The following EPHA5 variants were observed in gnomAD, a reference collection of about 807,000 sequenced individuals.
EPHA5 encodes EPH receptor A5, also known as ephrin type-A receptor 5.
A neutral mutation model predicts 105.0 loss-of-function variants in EPHA5; 60 were observed. The ratio of observed to expected loss-of-function variants is 0.57; its 90% CI spans 0.46 to 0.71. The LOEUF (loss-of-function observed/expected upper bound fraction) is 0.71. EPHA5 is among the 30% of genes least tolerant of loss of function. EPHA5 has a pLI of 0.00. For synonymous variants in EPHA5, 513 were observed against 449.1 expected, an observed-to-expected ratio of 1.14 and a Z score of -1.80; for missense variants, 1,218 against 1,274.7, an observed-to-expected ratio of 0.96 and a Z score of 0.68.
At chr4:65,442,197 G>A (rs977829751) in intron 5 of EPHA5, among the ~76,000 whole-genome samples, 3 of 152,050 alleles carry the variant, frequency 2.0e-5, no homozygotes, top group Admixed American at 1.3e-4. Context: ...AATTTAAAAC[G>A]GGGCCTATGG....
At chr4:65,327,108 C>T (rs1720156185) in intron 16 of EPHA5, among the ~76,000 whole-genome samples, 1 of 150,890 alleles carries the variant, frequency 6.6e-6, no homozygotes, top group Non-Finnish European at 1.5e-5. Context: ...GACTCTAGCT[C>T]CCTCAATGTT....
intron 10 of EPHA5, 23 bp from the exon 11 acceptor site, chr4:65,365,225 T>C (rs1190911453): frequency 2.5e-6 from 4 of 1,602,056 alleles, no homozygotes; most frequent in South Asian, 2.2e-5. Context: ...ATGAAAAAAA[T>C]GCAAAAACTC....
intron 8 of EPHA5, among the ~76,000 whole-genome samples, chr4:65,400,038 T>C (rs1295320305): frequency 2.6e-5 from 4 of 152,176 alleles, no homozygotes; most frequent in Admixed American, 2.0e-4. Flanking sequence ...GTCAATTTTA[T>C]ATCAATAATC....
At chr4:65,631,348 G>A (rs2149491743) in intron 2 of EPHA5, among the ~76,000 whole-genome samples, 1 of 152,156 alleles carries the variant, frequency 6.6e-6, no homozygotes, top group East Asian at 1.9e-4. Context: ...GTGACTTTTG[G>A]TAAAACCATT....
intron 14 of EPHA5, among the ~76,000 whole-genome samples, chr4:65,343,680 T>C (rs990560351): frequency 3.3e-5 from 5 of 152,150 alleles, no homozygotes; most frequent in Non-Finnish European, 5.9e-5. Flanking sequence ...CATAGGAAAT[T>C]TAATGCTGTA....
At chr4:65,580,865 G>T (rs777878923) in intron 3 of EPHA5, among the ~76,000 whole-genome samples, 7 of 150,672 alleles carry the variant, frequency 4.6e-5, no homozygotes, top group Admixed American at 1.3e-4. Context: ...ATGTGTTAAA[G>T]ACATATTTAA....
At chr4:65,394,814 A>T (rs929891383) in intron 8 of EPHA5, among the ~76,000 whole-genome samples, 2 of 152,088 alleles carry the variant, frequency 1.3e-5, no homozygotes, top group African/African-American at 4.8e-5. Flanking sequence ...GCCTAGTAGG[A>T]AATGCTATGT....
At chr4:65,557,635 T>G (rs1738588852) in intron 3 of EPHA5, among the ~76,000 whole-genome samples, 1 of 151,690 alleles carries the variant, frequency 6.6e-6, no homozygotes, top group African/African-American at 2.4e-5. Flanking sequence ...CCTGGGAAAT[T>G]TGTAAAAAGT....
chr4:65,549,603 G>A (rs921058481), intron 3 of EPHA5, among the ~76,000 whole-genome samples: 4 of 151,894 alleles, frequency 2.6e-5, no homozygotes, highest in Admixed American at 6.6e-5. Flanking sequence ...AATATGAAAG[G>A]GATGCATGCT....
intron 5 of EPHA5, among the ~76,000 whole-genome samples, chr4:65,470,220 T>A (rs1486790146): frequency 6.7e-6 from 1 of 149,900 alleles, no homozygotes; most frequent in African/African-American, 2.5e-5. Context: ...TGAGACAGAG[T>A]CTCGCTCTGT....
intron 3 of EPHA5, among the ~76,000 whole-genome samples, chr4:65,576,724 T>C (rs931928387): frequency 6.6e-6 from 1 of 152,188 alleles, no homozygotes; most frequent in Non-Finnish European, 1.5e-5. Flanking sequence ...TATCACAGAC[T>C]TTGTCATATT....
intron 13 of EPHA5, among the ~76,000 whole-genome samples, chr4:65,349,611 A>C (rs1722628937): frequency 6.6e-6 from 1 of 152,154 alleles, no homozygotes; most frequent in Non-Finnish European, 1.5e-5. Context: ...CTGTTTATGA[A>C]CCAAAGTTTC....
chr4:65,365,903 A>G (rs1280411983), intron 10 of EPHA5, 29 bp downstream of exon 10: 1 of 1,587,938 alleles, frequency 6.3e-7, no homozygotes, highest in Non-Finnish European at 8.6e-7. Context: ...AACAAAAGTT[A>G]AAAATGAAAG....
intron 5 of EPHA5, among the ~76,000 whole-genome samples, chr4:65,477,523 CT>C (rs1189819275): frequency 6.6e-6 from 1 of 151,952 alleles, no homozygotes; most frequent in African/African-American, 2.4e-5. Context: ...AGTGATTCTC[CT>C]GCCTCAGGCT....
intron 8 of EPHA5, among the ~76,000 whole-genome samples, chr4:65,390,431 C>G (rs1056082269): frequency 1.3e-5 from 2 of 152,010 alleles, no homozygotes; most frequent in African/African-American, 4.8e-5. Context: ...TTCCTCCTGA[C>G]CAAAATCTGG....
intron 8 of EPHA5, among the ~76,000 whole-genome samples, chr4:65,400,448 A>G (rs950089103): frequency 2.0e-5 from 3 of 152,162 alleles, no homozygotes; most frequent in African/African-American, 7.2e-5. Flanking sequence ...TACTTAACAC[A>G]TTTAAAAAGG....
chr4:65,476,833 T>C (rs1729866908), intron 5 of EPHA5, among the ~76,000 whole-genome samples: 1 of 152,030 alleles, frequency 6.6e-6, no homozygotes, highest in Non-Finnish European at 1.5e-5. Context: ...CTGGAAAAAA[T>C]CTGAACCTAT....
At chr4:65,419,368 C>CAGA (rs1409035326) in intron 6 of EPHA5, among the ~76,000 whole-genome samples, 1 of 152,126 alleles carries the variant, frequency 6.6e-6, no homozygotes, top group Non-Finnish European at 1.5e-5. Context: ...GTATTTCCTA[C>CAGA]CATCCCTTTT....
At chr4:65,553,045 A>G (rs950653712) in intron 3 of EPHA5, among the ~76,000 whole-genome samples, 3 of 152,072 alleles carry the variant, frequency 2.0e-5, no homozygotes, top group African/African-American at 7.2e-5. Flanking sequence ...GTTGGAGACA[A>G]TGAAAATCAC....
Sources: gnomAD v4.1 joint callset for allele counts (sites outside exome capture counted in the v4.1 genomes callset) on GRCh38, gnomAD v4.1.1 for gene constraint, MANE v1.5 for transcripts, NCBI Gene and HGNC (gene_info 2026-07-23, HGNC 2026-07-21) for gene names.